The following DCP1B variants were observed in gnomAD, a reference collection of about 807,000 sequenced individuals.
DCP1B encodes the protein mRNA-decapping enzyme 1B.
A neutral mutation model predicts 60.5 loss-of-function variants in DCP1B; 47 were observed. The observed-to-expected ratio is 0.78, with a 90% CI of 0.61 to 0.99. The LOEUF is 0.99. DCP1B is among the 50% of genes least tolerant of loss of function. The pLI is 0.00. For synonymous variants in DCP1B, 267 were observed against 280.3 expected (o/e 0.95, Z 0.47); for missense variants, 725 against 756.8 (o/e 0.96, Z 0.49).
rs114645000 is a variant in DCP1B, at chr12:1,967,497, T to C, written c.386+347A>G. 9.1e-3 allele frequency among the ~76,000 whole-genome samples: 1,381 copies of C among 152,342 alleles called. 17 individuals carry two copies. Among genetic ancestry groups the C allele is most frequent in the African/African-American group, 0.031 (1,304 of 41,570 alleles). ...CGGGAGCAGACTTTTAGGATGGCTC[T>C]GAATGTTCTTTTTACCAACAGGCAT... is the stretch of plus-strand genomic sequence containing the variant. On this transcript the variant is annotated intron_variant, in intron 4 of 8. Transcript: ENST00000280665.
At chr12:1,975,783 C>T (rs1442276322) in intron 3 of DCP1B, among the ~76,000 whole-genome samples, 1 of 152,176 alleles carries the variant, frequency 6.6e-6, no homozygotes, top group Non-Finnish European at 1.5e-5. Flanking sequence ...GACTTTGCCA[C>T]ATGGGTTTTT....
intron 3 of DCP1B, among the ~76,000 whole-genome samples, chr12:1,975,081 C>A (rs1163049422): frequency 6.6e-6 from 1 of 152,056 alleles, no homozygotes; most frequent in Non-Finnish European, 1.5e-5. Context: ...AGTAGTCTAG[C>A]CAAAGGAGCC....
At chr12:1,969,404 T>A (rs2031672624) in intron 3 of DCP1B, among the ~76,000 whole-genome samples, 1 of 152,156 alleles carries the variant, frequency 6.6e-6, no homozygotes, top group African/African-American at 2.4e-5. Context: ...CAATTATCAG[T>A]GTACCAGAAA....
At chr12:1,990,978 A>G in intron 3 of DCP1B, 1 of 372,068 alleles carries the variant, frequency 2.7e-6, no homozygotes, top group Non-Finnish European at 5.1e-6. Flanking sequence ...TATCAGATAG[A>G]AAGGACAAAA....
chr12:1,974,445 G>C lies in DCP1B; in HGVS notation c.320-6535C>G, dbSNP rs150275978. 2.9e-3 allele frequency among the ~76,000 whole-genome samples: 448 copies of C among 152,172 alleles called. 4 individuals are homozygous for C. The highest frequency in any genetic ancestry group is 0.011 in the African/African-American group (439 of 41,534). The stretch of plus-strand genomic sequence containing the variant: ...TGAGCTCCCGAAGACTGTATATTTC[G>C]ATTGATCCAGCACTATGTAGACACT... On this transcript the variant is annotated intron_variant, in intron 3 of 8. Transcript: ENST00000280665.
At chr12:1,942,862 C>T (rs2030314088), downstream of DCP1B, among the ~76,000 whole-genome samples, 1 of 152,162 alleles carries the variant, frequency 6.6e-6, no homozygotes, top group Admixed American at 6.5e-5. Context: ...CTAAAATTGA[C>T]ACCCTAACAT....
chr12:1,971,796 C>T lies in DCP1B; in HGVS notation c.320-3886G>A, dbSNP rs113357579. Among the ~76,000 whole-genome samples, 4,143 of 152,168 alleles carry T rather than the reference C, an allele frequency of 0.027. 95 individuals are homozygous for T. Among genetic ancestry groups the T allele is most frequent in the Middle Eastern group, 0.054 (16 of 294 alleles). On this transcript the variant is annotated intron_variant, in intron 3 of 8. Coordinates refer to ENST00000280665, the MANE Select transcript of DCP1B (RefSeq NM_152640.5). The surrounding 1 kb of genome is among the most constrained non-coding windows in gnomAD (Gnocchi z 4.2). ...GGATTTGCCTTATCTCATTTATGTT[C>T]CTAATAAATATTTCTGTTTGATCTG...
chr12:1,988,762 T>C (rs146996913), intron 3 of DCP1B, among the ~76,000 whole-genome samples: 2,559 of 152,310 alleles, frequency 0.017, 72 homozygotes, highest in African/African-American at 0.057. Flanking sequence ...ATTTAGAAGA[T>C]GGGGGCTACC....
intron 1 of DCP1B, among the ~76,000 whole-genome samples, chr12:2,000,098 A>C (rs1437700093): frequency 6.6e-6 from 1 of 152,258 alleles, no homozygotes; most frequent in Non-Finnish European, 1.5e-5. Flanking sequence ...ACAGTACAGT[A>C]AATGCTACCT....
intron 6 of DCP1B, among the ~76,000 whole-genome samples, 175 bp from the exon 7 acceptor site, chr12:1,953,463 T>A (rs1431614444): frequency 6.6e-6 from 1 of 152,116 alleles, no homozygotes; most frequent in East Asian, 1.9e-4. Context: ...ATGTCAAAAA[T>A]TTTCACAGCA....
rs750165299 is a variant in DCP1B, at chr12:1,953,027, G to T, written c.913C>A (p.His305Asn). Residue 305 changes from histidine to asparagine, a missense_variant, in exon 7 of 9, where the codon CAC (histidine) becomes AAC (asparagine). Transcript: ENST00000280665. ...QKLMVRSADL[H>N]PLSELPENRP... ...TTTTCAGGCAGCTCTGACAATGGGTGGAGGTCTGCGCTCCTGACCATGAGT... is the reference window on the plus strand; with the variant it reads ...TTTTCAGGCAGCTCTGACAATGGGTTGAGGTCTGCGCTCCTGACCATGAGT... 3.7e-6 allele frequency: 6 copies of T among 1,614,172 alleles called. No individual in the cohort carries two copies. In the African/African-American group the frequency reaches 4.0e-5, roughly 11 times the overall value.
intron 3 of DCP1B, among the ~76,000 whole-genome samples, chr12:1,980,223 A>G (rs1404866278): frequency 2.0e-5 from 3 of 152,242 alleles, no homozygotes; most frequent in African/African-American, 7.2e-5. Flanking sequence ...TCAAGTATCT[A>G]TCGATAGGAG....
intron 5 of DCP1B, among the ~76,000 whole-genome samples, chr12:1,960,436 C>T (rs2031081116): frequency 6.6e-6 from 1 of 152,002 alleles, no homozygotes; most frequent in African/African-American, 2.4e-5. Flanking sequence ...TTCAATTAGA[C>T]AGGAGGAATA....
rs181961040 is a variant in DCP1B, at chr12:1,975,784, A to G, written c.320-7874T>C. Among the ~76,000 whole-genome samples, 402 of 152,280 alleles carry G rather than the reference A, an allele frequency of 2.6e-3. 3 individuals are homozygous for G. The highest frequency in any genetic ancestry group is 8.4e-3 in the African/African-American group (351 of 41,580). On this transcript the variant is annotated intron_variant, in intron 3 of 8. Coordinates refer to ENST00000280665, the MANE Select transcript of DCP1B (RefSeq NM_152640.5). Reference sequence around the variant, plus strand: ...AAATCACCATATATGACTTTGCCACATGGGTTTTTCCTCACCTCAGCATGT... The same window carrying G: ...AAATCACCATATATGACTTTGCCACGTGGGTTTTTCCTCACCTCAGCATGT...
intron 6 of DCP1B, among the ~76,000 whole-genome samples, chr12:1,953,692 C>T (rs1355724502): frequency 6.6e-6 from 1 of 152,192 alleles, no homozygotes; most frequent in Non-Finnish European, 1.5e-5. Context: ...TTCAGAATTT[C>T]TAGTAGTTTT....
chr12:1,943,932 C>T (rs1212745017), downstream of DCP1B, among the ~76,000 whole-genome samples: 2 of 152,182 alleles, frequency 1.3e-5, no homozygotes, highest in South Asian at 2.1e-4. Flanking sequence ...ATTGGAAGTT[C>T]TGGCCAGGGC....
At chr12:1,982,985 T>G (rs904359445) in intron 3 of DCP1B, among the ~76,000 whole-genome samples, 8 of 152,130 alleles carry the variant, frequency 5.3e-5, no homozygotes, top group Non-Finnish European at 8.8e-5. Flanking sequence ...CTATTTTTCT[T>G]GAGTTAATTC....
chr12:1,989,404 AAAAGGG>A (rs779913681), intron 3 of DCP1B, among the ~76,000 whole-genome samples: 89 of 151,980 alleles, frequency 5.9e-4, no homozygotes, highest in Non-Finnish European at 1.0e-3. Flanking sequence ...AAGAGGAAAG[AAAAGGG>A]AAAGGGAAAG....
At chr12:1,987,280 A>T (rs1018819292) in intron 3 of DCP1B, among the ~76,000 whole-genome samples, 4 of 152,240 alleles carry the variant, frequency 2.6e-5, no homozygotes, top group African/African-American at 9.6e-5. Flanking sequence ...TTTCATATGT[A>T]CATCATTATA....
Sources: gnomAD v4.1 joint callset for allele counts (sites outside exome capture counted in the v4.1 genomes callset) on GRCh38, gnomAD v4.1.1 for gene constraint, Gnocchi (gnomAD v3.1) non-coding constraint, MANE v1.5 for transcripts, NCBI Gene and HGNC (gene_info 2026-07-23, HGNC 2026-07-21) for gene names.